Variants in RHOBTB2 observed in about 807,000 individuals in gnomAD.
RHOBTB2 encodes the protein Rho related BTB domain containing 2, also known as rho-related BTB domain-containing protein 2.
In RHOBTB2, 39 loss-of-function variants were observed where a neutral mutation model predicts 66.5. That is an observed-to-expected ratio of 0.59 (90% CI 0.45 to 0.77). RHOBTB2 has a LOEUF of 0.77. Among genes scored for constraint, RHOBTB2 ranks in the 30% least tolerant of loss-of-function variants. The probability of loss-of-function intolerance (pLI) is 0.00; values close to 1 mark genes in which losing one functional copy is unlikely to be tolerated. For synonymous variants in RHOBTB2, 390 were observed against 395.0 expected (o/e 0.99, Z 0.15); for missense variants, 755 against 999.1 (o/e 0.76, Z 3.29).
At chr8:22,962,436 G>A in the RHOBTB2 span, among the ~76,000 whole-genome samples, 3 of 151,996 alleles carry the variant, frequency 2.0e-5, no homozygotes, top group Admixed American at 6.6e-5. Context: ...TTAACTCAAA[G>A]GCATTCACCG....
In RHOBTB2 at chr8:23,006,126, G is replaced by T. The variant is rs1272542435; in HGVS notation, c.463G>T (p.Ala155Ser). 6.2e-7 allele frequency: 1 copy of T among 1,613,292 alleles called. No individual in the cohort carries two copies. Among genetic ancestry groups the T allele is most frequent in the Admixed American group, 1.7e-5 (1 of 59,978 alleles). ...CGCTGACCTGGAGGCTGTCAACAGGGCTAGGCGACCCTTGGCTAGGTAGGA... is the reference window on the plus strand; with the variant it reads ...CGCTGACCTGGAGGCTGTCAACAGGTCTAGGCGACCCTTGGCTAGGTAGGA... ...RYADLEAVNR[A>S]RRPLARPIKP... The change falls in exon 4 of 10, where the codon GCT (alanine) becomes TCT (serine). Residue 155 changes from alanine (A) to serine (S), a missense_variant. Ala to Ser is a moderately conservative substitution (Grantham distance 99). Coordinates refer to ENST00000251822, the MANE Select transcript of RHOBTB2 (RefSeq NM_015178.3). This position sits in a 1 kb window ranked among gnomAD's most constrained non-coding sequence, Gnocchi z 6.1.
At chr8:22,951,312 C>T in the RHOBTB2 span, among the ~76,000 whole-genome samples, 210 of 129,004 alleles carry the variant, frequency 1.6e-3, 3 homozygotes, top group East Asian at 0.043. Context: ...AGTGCAGTGG[C>T]GCGATCTCAG....
chr8:23,013,835 T>C (rs1022535547), intron 7 of RHOBTB2, among the ~76,000 whole-genome samples: 1 of 152,210 alleles, frequency 6.6e-6, no homozygotes, highest in Non-Finnish European at 1.5e-5. Flanking sequence ...CCCCTTAGAT[T>C]TGAACATTCT....
chr8:22,979,742 C>CTTTTTTTTTTTTTTTTTTTTTTTT, the RHOBTB2 span, among the ~76,000 whole-genome samples: 2 of 84,094 alleles, frequency 2.4e-5, no homozygotes, highest in African/African-American at 4.6e-5. Context: ...TCTTTTCTTT[C>CTTTTTTTTTTTTTTTTTTTTTTTT]TTTTTTTTTT....
upstream of RHOBTB2, among the ~76,000 whole-genome samples, chr8:22,996,224 C>T (rs903276021): frequency 6.6e-6 from 1 of 152,016 alleles, no homozygotes; most frequent in Admixed American, 6.6e-5. Flanking sequence ...GGGTTTATGT[C>T]ACTGGGGAGG....
At position 23,007,484 on chromosome 8, in the gene RHOBTB2, G is replaced by A. The variant is rs1365684441; in HGVS notation, c.1239G>A (p.Val413=). The stretch of plus-strand genomic sequence containing the variant: ...TCACCTACAAATCCCGGCTGATGGT[G>A]GTGGTGAAGATGGACAGTTCCATCC... ...DPLTYKSRLM[V]VVKMDSSIQP... Residue 413 remains valine (V), a synonymous_variant, in exon 5 of 10, where the codon GTG becomes GTA. Transcript: ENST00000251822. The A allele has an allele frequency of 1.2e-6, 2 of 1,614,084 alleles. No homozygotes were observed. The highest frequency in any genetic ancestry group is 1.3e-5 in the African/African-American group (1 of 74,934).
At position 23,017,103 on chromosome 8, in the gene RHOBTB2, C is replaced by A; in HGVS notation, c.1967-149C>A. 1 of 1,002,164 alleles carries A rather than the reference C, an allele frequency of 1.0e-6. No individual in the cohort carries two copies. Among genetic ancestry groups the A allele is most frequent in the Non-Finnish European group, 1.5e-6 (1 of 673,870 alleles). 62.1% of individuals were successfully genotyped at this position (1,002,164 alleles called of 1,614,324 possible). On this transcript the variant is annotated intron_variant, in intron 9 of 9. Transcript: ENST00000251822. This position sits in a 1 kb window ranked among gnomAD's most constrained non-coding sequence, Gnocchi z 5.3. ...TGCTCTTTGGGAACTTTGCTTGCCT[C>A]GGAGGCTCATGTGCCGTGGGTCATG...
upstream of RHOBTB2, among the ~76,000 whole-genome samples, chr8:22,997,701 G>A (rs377327104): frequency 5.5e-4 from 84 of 152,288 alleles, no homozygotes; most frequent in African/African-American, 1.9e-3. Context: ...GCTCCACAGG[G>A]GCTATGGTCC....
At chr8:23,012,936 T>C (rs1371696559) in intron 7 of RHOBTB2, among the ~76,000 whole-genome samples, 1 of 152,178 alleles carries the variant, frequency 6.6e-6, no homozygotes, top group African/African-American at 2.4e-5. Flanking sequence ...CCTGAGTAGC[T>C]GGGACTACAG....
chr8:22,950,850 A>C, the RHOBTB2 span, among the ~76,000 whole-genome samples: 1 of 152,198 alleles, frequency 6.6e-6, no homozygotes, highest in Non-Finnish European at 1.5e-5. Flanking sequence ...GGAAGTAAGG[A>C]GTGGCAAAGA....
At chr8:23,010,482 T>A in intron 6 of RHOBTB2, 56 bp from the exon 7 acceptor site, 1 of 1,565,544 alleles carries the variant, frequency 6.4e-7, no homozygotes, top group Non-Finnish European at 8.7e-7. Context: ...CAGGGTTCAG[T>A]TCATCTTCTC....
At chr8:22,994,326 G>A (rs945523878) in intron 2 of RHOBTB2, among the ~76,000 whole-genome samples, 4 of 152,196 alleles carry the variant, frequency 2.6e-5, no homozygotes, top group Non-Finnish European at 5.9e-5. Context: ...GATGCACCAG[G>A]ACCCCAGTTT....
At chr8:22,976,793 G>T in the RHOBTB2 span, among the ~76,000 whole-genome samples, 4 of 146,238 alleles carry the variant, frequency 2.7e-5, no homozygotes, top group South Asian at 2.2e-4. Flanking sequence ...CCCCAGATAG[G>T]TTTTTTTTTT....
the RHOBTB2 span, among the ~76,000 whole-genome samples, chr8:22,981,825 G>A: frequency 6.6e-6 from 1 of 152,166 alleles, no homozygotes; most frequent in South Asian, 2.1e-4. Context: ...ACGAGTTTAG[G>A]GTCTCAGCCT....
intron 1 of RHOBTB2, among the ~76,000 whole-genome samples, chr8:23,003,549 G>A (rs1167739432): frequency 6.6e-6 from 1 of 152,226 alleles, no homozygotes; most frequent in Non-Finnish European, 1.5e-5. Context: ...GCAGAAGAGG[G>A]TGGAGGTGGA....
chr8:23,003,197 C>T (rs1472319596), intron 1 of RHOBTB2, among the ~76,000 whole-genome samples: 1 of 152,242 alleles, frequency 6.6e-6, no homozygotes, highest in African/African-American at 2.4e-5. Context: ...GTCCTAATCA[C>T]GCTGGCCCTG....
chr8:23,018,370 A>T lies in RHOBTB2; in HGVS notation c.*901A>T, dbSNP rs1811358632. The T allele has an allele frequency of 6.5e-6, 1 of 152,702 alleles. No individual in the cohort carries two copies. Among genetic ancestry groups the T allele is most frequent in the African/African-American group, 2.4e-5 (1 of 41,454 alleles). 9.5% of individuals were successfully genotyped at this position (152,702 alleles called of 1,614,324 possible). A position where few individuals can be genotyped will look rare whatever the true frequency, so the allele number is the denominator to read the frequency against. On this transcript the variant is annotated 3_prime_UTR_variant, in exon 10 of 10. Coordinates refer to ENST00000251822, the MANE Select transcript of RHOBTB2 (RefSeq NM_015178.3). ...AAAAAACAAAAACCAATGACAACCA[A>T]ACTGAAACCGAAACGAAAAATCAAC...
chr8:22,994,247 G>C (rs1332279967), intron 2 of RHOBTB2, among the ~76,000 whole-genome samples: 3 of 152,176 alleles, frequency 2.0e-5, no homozygotes, highest in Non-Finnish European at 4.4e-5. Context: ...CCAGGCCTCC[G>C]ATGCATGACT....
chr8:23,018,423 G>A lies in RHOBTB2; in HGVS notation c.*954G>A, dbSNP rs967980235. On this transcript the variant is annotated 3_prime_UTR_variant, in exon 10 of 10. Transcript: ENST00000251822. ...ACACTCTGTCCTCTATCCCTCCAAA[G>A]AATGAAAATCAGAAAAAGCCCCTGC... 8 of 152,606 alleles carry A rather than the reference G, an allele frequency of 5.2e-5. No homozygotes were observed. The highest frequency in any genetic ancestry group is 1.9e-4 in the African/African-American group (8 of 41,468). 9.5% of individuals were successfully genotyped at this position (152,606 alleles called of 1,614,324 possible).
Sources: allele counts gnomAD v4.1 joint callset (sites outside exome capture counted in the v4.1 genomes callset), GRCh38; gene constraint gnomAD v4.1.1; non-coding constraint Gnocchi (gnomAD v3.1); transcripts MANE v1.5; gene names NCBI Gene and HGNC (gene_info 2026-07-23, HGNC 2026-07-21).